ASPSCR1: variants seen among roughly 807,000 people sequenced by gnomAD.
ASPSCR1 encodes the protein tether containing UBX domain for GLUT4.
In ASPSCR1, 55 loss-of-function variants were observed where a neutral mutation model predicts 68.9. That is an observed-to-expected ratio of 0.80 (90% CI 0.64 to 1.00). The LOEUF is 1.00. Ranked by LOEUF, ASPSCR1 falls within the 50% of genes least tolerant of loss-of-function variation. The probability of loss-of-function intolerance (pLI) is 0.00; values close to 1 mark genes in which losing one functional copy is unlikely to be tolerated. For synonymous variants in ASPSCR1, 352 were observed against 332.6 expected (o/e 1.06, Z -0.63); for missense variants, 765 against 762.2 (o/e 1.00, Z -0.04).
intron 12 of ASPSCR1, chr17:82,015,418 G>A: frequency 6.5e-7 from 1 of 1,528,536 alleles, no homozygotes; most frequent in Non-Finnish European, 8.8e-7. Flanking sequence ...AGGTGCCCCA[G>A]GCCTGGCTGC....
At chr17:81,992,603 G>A (rs1263104840) in intron 4 of ASPSCR1, among the ~76,000 whole-genome samples, 1 of 152,208 alleles carries the variant, frequency 6.6e-6, no homozygotes, top group African/African-American at 2.4e-5. Flanking sequence ...GTCATGCTGG[G>A]GAGCGGGGAC....
At chr17:82,005,626 CCCGCTGGCCCT>C (rs935224998) in intron 7 of ASPSCR1, 5 of 152,208 alleles carry the variant, frequency 3.3e-5, no homozygotes, top group Non-Finnish European at 7.3e-5. Context: ...GGCCTCATTC[CCCGCTGGCCCT>C]CCGTCTGCTT....
At chr17:81,994,791 T>C in intron 4 of ASPSCR1, 30 bp from the exon 5 acceptor site, 1 of 1,609,994 alleles carries the variant, frequency 6.2e-7, no homozygotes, top group Non-Finnish European at 8.5e-7. Flanking sequence ...TGCCCTGGGG[T>C]ACCTGATGGT....
intron 3 of ASPSCR1, among the ~76,000 whole-genome samples, chr17:81,984,392 CAT>C (rs2041895662): frequency 6.6e-6 from 1 of 151,984 alleles, no homozygotes; most frequent in Admixed American, 6.6e-5. Context: ...AGCCGGCCAA[CAT>C]AATGAAACCC....
At chr17:82,012,405 T>G (rs900936088) in intron 12 of ASPSCR1, 122 bp downstream of exon 12, 6 of 1,213,962 alleles carry the variant, frequency 4.9e-6, no homozygotes, top group South Asian at 1.3e-5. Flanking sequence ...TAATAAAGCC[T>G]TTGAGAGCCG....
At position 81,977,908 on chromosome 17, in the gene ASPSCR1, C is replaced by G. The variant is rs2041659713; in HGVS notation, c.102+160C>G. 4.3e-6 allele frequency: 2 copies of G among 461,160 alleles called. No individual in the cohort carries two copies. Among genetic ancestry groups the G allele is most frequent in the Admixed American group, 4.9e-5 (1 of 20,470 alleles). The allele number at this position is 461,160 out of a possible 1,614,324, so 28.6% of individuals were successfully genotyped here. A position where few individuals can be genotyped will look rare whatever the true frequency, so the allele number is the denominator to read the frequency against. ...CCCGCCCCCTGCTCGCCGTCACCTG[C>G]GCTTCCGCTGGGGTCCCGGGGGTCC... On this transcript the variant is annotated intron_variant, in intron 1 of 15. Coordinates refer to ENST00000306739, the MANE Select transcript of ASPSCR1 (RefSeq NM_024083.4). This position sits in a 1 kb window ranked among gnomAD's most constrained non-coding sequence, Gnocchi z 5.0.
chr17:81,992,751 G>A (rs2042214023), intron 4 of ASPSCR1, among the ~76,000 whole-genome samples: 1 of 152,270 alleles, frequency 6.6e-6, no homozygotes, highest in Non-Finnish European at 1.5e-5. Flanking sequence ...GGGCCTCTGG[G>A]CCGAGTCTCC....
chr17:81,985,781 G>C (rs1454605695), intron 4 of ASPSCR1, among the ~76,000 whole-genome samples, 174 bp downstream of exon 4: 1 of 152,200 alleles, frequency 6.6e-6, no homozygotes, highest in African/African-American at 2.4e-5. Flanking sequence ...TTCATGAGCA[G>C]CAGCCTCGGG....
intron 5 of ASPSCR1, chr17:81,995,286 TG>T (rs979609192): frequency 3.4e-5 from 10 of 297,764 alleles, no homozygotes; most frequent in Non-Finnish European, 3.1e-5. Context: ...TTTGCTGGGG[TG>T]GGGGGGCACT....
intron 9 of ASPSCR1, chr17:82,009,844 G>GC (rs984258876): frequency 1.1e-4 from 33 of 292,134 alleles, no homozygotes; most frequent in African/African-American, 9.3e-5. Context: ...TCTGAGCAGG[G>GC]CCCCCCCGTG....
chr17:81,993,760 G>A (rs939701204), intron 4 of ASPSCR1, among the ~76,000 whole-genome samples: 8 of 152,250 alleles, frequency 5.3e-5, no homozygotes, highest in Admixed American at 5.2e-4. Flanking sequence ...CAGCCCAGCT[G>A]TTACCTAATC....
Position 81,996,587 on chromosome 17 carries a change from G to T in ASPSCR1, c.674G>T (p.Cys225Phe). 6.2e-7 allele frequency: 1 copy of T among 1,611,890 alleles called. No homozygotes were observed. The highest frequency in any genetic ancestry group is 8.5e-7 in the Non-Finnish European group (1 of 1,178,620). The part of the protein sequence containing the change: ...PEDADTSGPC[C>F]EHTQEKQSTR... ...GACGCGGACACCTCAGGGCCCTGCT[G>T]CGAGCACACTCAGGAGAAGCAGAGC... The change falls in exon 7 of 16, where the codon TGC becomes TTC. Residue 225 changes from cysteine to phenylalanine, a missense_variant. Coordinates refer to ENST00000306739, the MANE Select transcript of ASPSCR1 (RefSeq NM_024083.4).
At position 81,983,408 on chromosome 17, in the gene ASPSCR1, G is replaced by A. The variant is rs184011246; in HGVS notation, c.159-146G>A. 1.8e-5 allele frequency: 12 copies of A among 663,066 alleles called. No homozygotes were observed. The East Asian group carries it at 2.8e-4, about 15-fold the overall frequency. 41.1% of individuals were successfully genotyped at this position (663,066 alleles called of 1,614,324 possible). On this transcript the variant is annotated intron_variant, in intron 2 of 15. Coordinates refer to ENST00000306739, the MANE Select transcript of ASPSCR1 (RefSeq NM_024083.4). The surrounding 1 kb of genome is among the most constrained non-coding windows in gnomAD (Gnocchi z 4.4). The stretch of plus-strand genomic sequence containing the variant: ...GCCTTGTGCCTCTGCAGGTCATGAC[G>A]TCCCGCTGTTGGGGAGCTGCCACAG...
chr17:81,994,928 T>C, intron 5 of ASPSCR1, 50 bp downstream of exon 5: 1 of 1,549,320 alleles, frequency 6.5e-7, no homozygotes, highest in Non-Finnish European at 8.8e-7. Flanking sequence ...TTCAGCCCAC[T>C]TTCCAACTGG....
In ASPSCR1 at chr17:81,996,482, C is replaced by T. The variant is rs147176021; in HGVS notation, c.569C>T (p.Ser190Leu). ...KTPGSLGSSA[S>L]AGQAAASAPL... ...CCAGGAAGCCTGGGCTCGTCAGCGT[C>T]GGCTGGCCAGGCAGCCGCCAGCGCT... The change falls in exon 7 of 16, where the codon TCG (serine) becomes TTG (leucine). Residue 190 changes from serine to leucine, a missense_variant. Coordinates refer to ENST00000306739, the MANE Select transcript of ASPSCR1 (RefSeq NM_024083.4). The T allele has an allele frequency of 7.9e-5, 127 of 1,611,318 alleles. No homozygotes were observed. In the African/African-American group the frequency reaches 1.1e-3, roughly 14 times the overall value.
chr17:81,996,709 T>G lies in ASPSCR1; in HGVS notation c.796T>G (p.Ser266Ala), dbSNP rs1287274159. 1.2e-6 allele frequency: 2 copies of G among 1,613,466 alleles called. No homozygotes were observed. Among genetic ancestry groups the G allele is most frequent in the African/African-American group, 2.7e-5 (2 of 74,940 alleles). Residue 266 changes from serine (S) to alanine (A), a missense_variant, in exon 7 of 16, where the codon TCA (serine) becomes GCA (alanine). By Grantham distance (99) the Ser-to-Ala change is moderately conservative. Transcript: ENST00000306739. ...PGPTRPLTSS[S>A]AKLPKSLSSP... Reference sequence around the variant, plus strand: ...GCCCACGAGGCCTCTGACATCATCTTCAGCTAAGTTGCCGAAGTCCCTCTC... The same window carrying G: ...GCCCACGAGGCCTCTGACATCATCTGCAGCTAAGTTGCCGAAGTCCCTCTC...
rs1161078711 is a variant in ASPSCR1, at chr17:81,995,980, C to T, written c.433-12C>T. ...GTGCAAGGCGCACCTGTCCTGGCTG[C>T]TCCTCCTGCAGGTGACGGGTGAAGC... is the stretch of plus-strand genomic sequence containing the variant. On this transcript the variant is annotated splice_polypyrimidine_tract_variant and intron_variant, in intron 5 of 15. Transcript: ENST00000306739. The T allele has an allele frequency of 6.2e-7, 1 of 1,608,086 alleles. No individual in the cohort carries two copies. The highest frequency in any genetic ancestry group is 1.1e-5 in the South Asian group (1 of 89,978).
At chr17:82,004,359 A>G (rs2042638331) in intron 7 of ASPSCR1, 1 of 152,088 alleles carries the variant, frequency 6.6e-6, no homozygotes, top group East Asian at 1.9e-4. Flanking sequence ...GGGCATCTGG[A>G]TAAATGGTTA....
chr17:81,984,813 G>A (rs1273356598), intron 3 of ASPSCR1, among the ~76,000 whole-genome samples: 6 of 71,284 alleles, frequency 8.4e-5, no homozygotes, highest in East Asian at 3.8e-4. Flanking sequence ...CCACATACCC[G>A]CACACCCGTA....
Sources: allele counts gnomAD v4.1 joint callset (sites outside exome capture counted in the v4.1 genomes callset), GRCh38; gene constraint gnomAD v4.1.1; non-coding constraint Gnocchi (gnomAD v3.1); transcripts MANE v1.5; gene names NCBI Gene and HGNC (gene_info 2026-07-23, HGNC 2026-07-21).